Variants in UGT1A3 observed in about 807,000 individuals in gnomAD.
UGT1A3 encodes UDP glucuronosyltransferase family 1 member A3.
In UGT1A3, 31 loss-of-function variants were observed where a neutral mutation model predicts 41.0. The observed-to-expected ratio is 0.76, with a 90% CI of 0.57 to 1.02. The LOEUF (loss-of-function observed/expected upper bound fraction) is 1.02, where lower values mean the gene tolerates loss of function less well. Among genes scored for constraint, UGT1A3 ranks in the 50% least tolerant of loss-of-function variants. The pLI, the probability that UGT1A3 is intolerant of heterozygous loss-of-function variation, is 0.00. For missense variants in UGT1A3, 737 were observed against 671.0 expected, an observed-to-expected ratio of 1.10 and a Z score of -1.09; for synonymous variants, 262 against 257.6, an observed-to-expected ratio of 1.02 and a Z score of -0.17.
At chr2:233,765,999 C>T (rs1036845415) in intron 1 of UGT1A3, among the ~76,000 whole-genome samples, 2 of 151,990 alleles carry the variant, frequency 1.3e-5, no homozygotes, top group Non-Finnish European at 1.5e-5. Flanking sequence ...CTCCAGTGGG[C>T]GTGGGTTATG....
rs553805330 is a variant in UGT1A3, at chr2:233,754,902, A to C, written c.868-12132A>C. On this transcript the variant is annotated intron_variant, in intron 1 of 4. Coordinates refer to ENST00000482026, the MANE Select transcript of UGT1A3 (RefSeq NM_019093.4). ...TCCCAGGGAGTTCCTCTGACCCCCC[A>C]AAATATTCTCCAGCGGGTTTCCCAA... 31 of 1,352,320 alleles carry C rather than the reference A, an allele frequency of 2.3e-5. No individual in the cohort carries two copies. The East Asian group carries it at 6.4e-4, about 28-fold the overall frequency. 83.8% of individuals were successfully genotyped at this position (1,352,320 alleles called of 1,614,324 possible).
rs764918207 is a variant in UGT1A3 at position 233,760,359 on chromosome 2, G to A, written c.868-6675G>A. 62 of 1,614,004 alleles carry A rather than the reference G, an allele frequency of 3.8e-5. No homozygotes were observed. The South Asian group carries it at 4.0e-4, about 10-fold the overall frequency. ...TGCTGTGTGTGCTGGGCCCAGTGGTGTCCCATGCTGGGAAGATACTGTTGA... is the reference window on the plus strand; with the variant it reads ...TGCTGTGTGTGCTGGGCCCAGTGGTATCCCATGCTGGGAAGATACTGTTGA... On this transcript the variant is annotated intron_variant, in intron 1 of 4. Transcript: ENST00000482026.
rs575083074 is a variant in UGT1A3, at chr2:233,732,492, C to T, written c.867+2499C>T. ...ATCTGGAATTAATTTTTGTATAAGGCGTAAGGAAGGGATCCTGTTCCAGCT... is the reference window on the plus strand; with the variant it reads ...ATCTGGAATTAATTTTTGTATAAGGTGTAAGGAAGGGATCCTGTTCCAGCT... On this transcript the variant is annotated intron_variant, in intron 1 of 4. Transcript: ENST00000482026. 1.1e-3 allele frequency among the ~76,000 whole-genome samples: 168 copies of T among 152,214 alleles called. 2 individuals are homozygous for T. Among genetic ancestry groups the T allele is most frequent in the Middle Eastern group, 0.01 (3 of 294 alleles).
intron 1 of UGT1A3, among the ~76,000 whole-genome samples, chr2:233,748,430 T>A (rs1693942914): frequency 6.6e-6 from 1 of 151,778 alleles, no homozygotes; most frequent in Non-Finnish European, 1.5e-5. Flanking sequence ...CCATCTGGAT[T>A]TTTTGTTTGC....
chr2:233,746,338 A>G (rs1693368906), intron 1 of UGT1A3, among the ~76,000 whole-genome samples: 1 of 151,758 alleles, frequency 6.6e-6, no homozygotes, highest in South Asian at 2.1e-4. Flanking sequence ...GGCAATGGAC[A>G]TGTTTATGTT....
chr2:233,752,781 C>T (rs1162563529), intron 1 of UGT1A3, among the ~76,000 whole-genome samples: 1 of 152,170 alleles, frequency 6.6e-6, no homozygotes, highest in African/African-American at 2.4e-5. Flanking sequence ...AATAACCAAA[C>T]AAGCTTTACA....
chr2:233,736,601 G>A (rs528906604), intron 1 of UGT1A3, among the ~76,000 whole-genome samples: 6 of 152,098 alleles, frequency 3.9e-5, no homozygotes, highest in Non-Finnish European at 8.8e-5. Flanking sequence ...TATGCGCTAT[G>A]GTTTTTAGAA....
intron 1 of UGT1A3, chr2:233,748,159 A>T: frequency 6.3e-7 from 1 of 1,599,046 alleles, no homozygotes; most frequent in Non-Finnish European, 8.5e-7. Flanking sequence ...AATTGCTTCC[A>T]TATCTACTTA....
Position 233,729,846 on chromosome 2 carries a change from G to T in UGT1A3, c.720G>T (p.Gln240His). Residue 240 changes from glutamine to histidine, a missense_variant, in exon 1 of 5, where the codon CAG (glutamine) becomes CAT (histidine). Transcript: ENST00000482026. Reference sequence around the variant, plus strand: ...CAAGCCTTGCCTCTGAGCTTTTTCAGAGAGAGGTGTCAGTGGTGGATATTC... The same window carrying T: ...CAAGCCTTGCCTCTGAGCTTTTTCATAGAGAGGTGTCAGTGGTGGATATTC... ...PYASLASELF[Q>H]REVSVVDILS... 1 of 1,613,888 alleles carries T rather than the reference G, an allele frequency of 6.2e-7. No individual in the cohort carries two copies. Among genetic ancestry groups the T allele is most frequent in the Admixed American group, 1.7e-5 (1 of 60,008 alleles).
Position 233,769,314 on chromosome 2 carries a change from T to A in UGT1A3, c.1307+875T>A, listed in dbSNP as rs551966060. Among the ~76,000 whole-genome samples, 1 of 152,360 alleles carries A rather than the reference T, an allele frequency of 6.6e-6. No individual in the cohort carries two copies. The highest frequency in any genetic ancestry group is 2.1e-4 in the South Asian group (1 of 4,826). ...TAAAGTTAGTATATTACTGTCAAGC[T>A]CACTGGTAATAGGCTTATTAGAACC... is the stretch of plus-strand genomic sequence containing the variant. On this transcript the variant is annotated intron_variant, in intron 4 of 4. Coordinates refer to ENST00000482026, the MANE Select transcript of UGT1A3 (RefSeq NM_019093.4). This position sits in a 1 kb window ranked among gnomAD's most constrained non-coding sequence, Gnocchi z 4.4.
intron 1 of UGT1A3, among the ~76,000 whole-genome samples, chr2:233,758,781 G>C (rs1359978174): frequency 6.6e-6 from 1 of 152,186 alleles, no homozygotes; most frequent in African/African-American, 2.4e-5. Context: ...GTTGGGATCT[G>C]TGCAGTTATC....
intron 1 of UGT1A3, among the ~76,000 whole-genome samples, chr2:233,753,993 T>C (rs970764565): frequency 1.4e-4 from 22 of 152,184 alleles, no homozygotes; most frequent in Admixed American, 1.4e-3. Context: ...GCCACCAAGT[T>C]TGGGTAATTT....
At chr2:233,738,529 A>G (rs1383931470) in intron 1 of UGT1A3, among the ~76,000 whole-genome samples, 2 of 152,226 alleles carry the variant, frequency 1.3e-5, no homozygotes, top group African/African-American at 4.8e-5. Context: ...TGGACAATGA[A>G]GTCCAGGCTG....
At chr2:233,754,607 T>G (rs1695531840) in intron 1 of UGT1A3, 1 of 435,160 alleles carries the variant, frequency 2.3e-6, no homozygotes, top group Admixed American at 2.6e-5. Flanking sequence ...AACTCAACTC[T>G]CCATCTTCCT....
chr2:233,754,215 T>A (rs1387155236), intron 1 of UGT1A3: 1 of 166,766 alleles, frequency 6.0e-6, no homozygotes, highest in Non-Finnish European at 1.3e-5. Flanking sequence ...GTCAAATGAT[T>A]TAGAGCAAAC....
Position 233,772,833 on chromosome 2 carries a change from T to A in UGT1A3, c.*274T>A. The A allele has an allele frequency of 1.1e-6, 1 of 879,514 alleles. No homozygotes were observed. Among genetic ancestry groups the A allele is most frequent in the Non-Finnish European group, 1.6e-6 (1 of 630,664 alleles). The allele number at this position is 879,514 out of a possible 1,614,324, so 54.5% of individuals were successfully genotyped here. A position where few individuals can be genotyped will look rare whatever the true frequency, so the allele number is the denominator to read the frequency against. ...AGGACGTGCAGACAGGCTGGCATTC[T>A]AGATTACTTTTCTTACTCTGAAACA... On this transcript the variant is annotated 3_prime_UTR_variant, in exon 5 of 5. Coordinates refer to ENST00000482026, the MANE Select transcript of UGT1A3 (RefSeq NM_019093.4).
intron 1 of UGT1A3, chr2:233,755,248 G>T: frequency 2.4e-6 from 2 of 834,922 alleles, no homozygotes; most frequent in Non-Finnish European, 3.6e-6. Flanking sequence ...GGTACTCCCA[G>T]CACCTCGTAG....
chr2:233,772,294 T>G lies in UGT1A3; in HGVS notation c.1340T>G (p.Leu447Arg). 6.2e-7 allele frequency: 1 copy of G among 1,614,228 alleles called. No individual in the cohort carries two copies. The highest frequency in any genetic ancestry group is 8.5e-7 in the Non-Finnish European group (1 of 1,180,042). The change falls in exon 5 of 5, where the codon CTT (leucine) becomes CGT (arginine). Residue 447 changes from leucine (L) to arginine (R), a missense_variant. By Grantham distance (102) the Leu-to-Arg change is moderately radical. Coordinates refer to ENST00000482026, the MANE Select transcript of UGT1A3 (RefSeq NM_019093.4). Reference protein sequence around the residue: ...YKENIMRLSSLHKDRPVEPLD... With the variant: ...YKENIMRLSSRHKDRPVEPLD... ...GAGAACATCATGCGCCTCTCCAGCC[T>G]TCACAAGGACCGCCCGGTGGAGCCG...
chr2:233,747,399 C>G, intron 1 of UGT1A3: 4 of 1,606,666 alleles, frequency 2.5e-6, no homozygotes, highest in Non-Finnish European at 3.4e-6. Context: ...GGTCCTCACC[C>G]CAGAGGTGAA....
Sources: allele counts gnomAD v4.1 joint callset (sites outside exome capture counted in the v4.1 genomes callset), GRCh38; gene constraint gnomAD v4.1.1; non-coding constraint Gnocchi (gnomAD v3.1); transcripts MANE v1.5; gene names NCBI Gene and HGNC (gene_info 2026-07-23, HGNC 2026-07-21).